The following CDC42BPA variants were observed in gnomAD, a reference collection of about 807,000 sequenced individuals.
CDC42BPA encodes CDC42 binding protein kinase alpha, also known as serine/threonine-protein kinase MRCK alpha.
A neutral mutation model predicts 223.5 loss-of-function variants in CDC42BPA; 80 were observed. That is an observed-to-expected ratio of 0.36 (90% confidence interval 0.30 to 0.43). CDC42BPA has a LOEUF of 0.43. Ranked by LOEUF, CDC42BPA falls within the 20% of genes least tolerant of loss-of-function variation. The pLI is 1.00. For missense variants in CDC42BPA, 1,743 were observed against 2,099.9 expected, an observed-to-expected ratio of 0.83 and a Z score of 3.32; for synonymous variants, 694 against 718.6, an observed-to-expected ratio of 0.97 and a Z score of 0.55.
At position 227,147,345 on chromosome 1, in the gene CDC42BPA, T is replaced by A. The variant is rs1291756889; in HGVS notation, c.894+14A>T. ...TTTACCACATTAATTTGAACAAAAG[T>A]AAAACATACTAACTTTGTGGTTCAT... On this transcript the variant is annotated intron_variant, in intron 7 of 36. Transcript: ENST00000366766. The A allele has an allele frequency of 6.3e-7, 1 of 1,588,966 alleles. No individual in the cohort carries two copies. Among genetic ancestry groups the A allele is most frequent in the South Asian group, 1.1e-5 (1 of 87,740 alleles).
At chr1:227,113,176 T>C (rs748218762) in intron 12 of CDC42BPA, among the ~76,000 whole-genome samples, 3 of 152,228 alleles carry the variant, frequency 2.0e-5, no homozygotes, top group Non-Finnish European at 4.4e-5. Flanking sequence ...GGAAAAAGTT[T>C]AGGAATAAAC....
Position 227,160,567 on chromosome 1 carries a change from A to T in CDC42BPA, c.669T>A (p.Cys223Ter). 1 of 1,605,768 alleles carries T rather than the reference A, an allele frequency of 6.2e-7. No individual in the cohort carries two copies. Among genetic ancestry groups the T allele is most frequent in the Non-Finnish European group, 8.5e-7 (1 of 1,172,526 alleles). The change falls in exon 6 of 37, where the codon TGT (cysteine) becomes TGA (stop). Residue 223 changes from cysteine (C) to a stop codon, truncating the protein, a stop_gained. Transcript: ENST00000366766. LOFTEE classifies it high-confidence loss of function. ...GHIRLADFGS[C>*]LKLMEDGTVQ... ...CCGTTCCATCTTCCATCAGCTTCAG[A>T]CAAGAACCAAAATCTGCTAACCGAA...
intron 21 of CDC42BPA, chr1:227,059,514 A>T (rs1284430363): frequency 1.9e-6 from 2 of 1,034,694 alleles, no homozygotes; most frequent in Admixed American, 4.3e-5. Flanking sequence ...AAACATACAT[A>T]TAAAGCCACA....
intron 2 of CDC42BPA, among the ~76,000 whole-genome samples, chr1:227,231,952 T>G (rs1303497649): frequency 6.6e-6 from 1 of 152,228 alleles, no homozygotes; most frequent in African/African-American, 2.4e-5. Flanking sequence ...ACTCTGATGA[T>G]AGTTTCTTTT....
chr1:227,233,752 G>A (rs1421960893), intron 2 of CDC42BPA, among the ~76,000 whole-genome samples: 3 of 152,086 alleles, frequency 2.0e-5, no homozygotes, highest in African/African-American at 7.2e-5. Flanking sequence ...GGTCAACATG[G>A]TGAAACCCCA....
chr1:227,253,240 A>AGAGAGCGAGAG (rs1553418775), intron 2 of CDC42BPA, among the ~76,000 whole-genome samples: 3 of 143,080 alleles, frequency 2.1e-5, no homozygotes, highest in East Asian at 4.0e-4. Context: ...GAGAGAGAGA[A>AGAGAGCGAGAG]AGAGAGCGAG....
intron 27 of CDC42BPA, 75 bp downstream of exon 27, chr1:227,033,259 G>T: frequency 1.1e-6 from 1 of 880,422 alleles, no homozygotes; most frequent in Non-Finnish European, 1.8e-6. Context: ...GTGAATTTAT[G>T]ATTTATATAG....
At chr1:227,168,420 GCT>G (rs991813470) in intron 5 of CDC42BPA, among the ~76,000 whole-genome samples, 4 of 148,402 alleles carry the variant, frequency 2.7e-5, no homozygotes, top group African/African-American at 7.5e-5. Context: ...TCCAAAATTT[GCT>G]CTCTGTCTTT....
intron 1 of CDC42BPA, among the ~76,000 whole-genome samples, chr1:227,314,786 T>C (rs562474881): frequency 7.7e-6 from 1 of 130,004 alleles, no homozygotes. Flanking sequence ...ATTTTTTCAA[T>C]TATTAAAAAT....
At chr1:227,176,611 A>G (rs941845959) in intron 5 of CDC42BPA, among the ~76,000 whole-genome samples, 1 of 149,834 alleles carries the variant, frequency 6.7e-6, no homozygotes, top group African/African-American at 2.4e-5. Flanking sequence ...TTAGTTCTAC[A>G]ACTGACTATT....
intron 3 of CDC42BPA, among the ~76,000 whole-genome samples, chr1:227,205,379 A>G (rs1015522358): frequency 1.7e-4 from 26 of 151,584 alleles, no homozygotes; most frequent in African/African-American, 6.3e-4. Context: ...AAATGTATTA[A>G]ATACATAGAA....
rs1484836798 is a variant in CDC42BPA at position 227,048,021 on chromosome 1, G to C, written c.3010-11C>G. Reference sequence around the variant, plus strand: ...AGTGGAGTCTACAGTCTGAACCCAGGAGCAAAAAAGGAAATAAATGTCATG... The same window carrying C: ...AGTGGAGTCTACAGTCTGAACCCAGCAGCAAAAAAGGAAATAAATGTCATG... On this transcript the variant is annotated splice_polypyrimidine_tract_variant and intron_variant, in intron 22 of 36. Transcript: ENST00000366766. 1 of 1,534,130 alleles carries C rather than the reference G, an allele frequency of 6.5e-7. No homozygotes were observed. Among genetic ancestry groups the C allele is most frequent in the African/African-American group, 1.4e-5 (1 of 72,590 alleles).
intron 2 of CDC42BPA, among the ~76,000 whole-genome samples, chr1:227,232,680 C>T (rs780157174): frequency 1.3e-5 from 2 of 152,208 alleles, no homozygotes; most frequent in Non-Finnish European, 1.5e-5. Context: ...TGGAGGTCCA[C>T]TCCAGACCAT....
intron 2 of CDC42BPA, among the ~76,000 whole-genome samples, chr1:227,245,164 T>C (rs1448325918): frequency 6.6e-6 from 1 of 151,890 alleles, no homozygotes; most frequent in Non-Finnish European, 1.5e-5. Flanking sequence ...GCTCATGACC[T>C]AGGGAGGCAT....
At chr1:227,131,027 T>A (rs1010883347) in intron 10 of CDC42BPA, among the ~76,000 whole-genome samples, 1 of 152,226 alleles carries the variant, frequency 6.6e-6, no homozygotes, top group African/African-American at 2.4e-5. Flanking sequence ...CATTTCCTGC[T>A]TATGTGGTTA....
intron 21 of CDC42BPA, among the ~76,000 whole-genome samples, chr1:227,058,031 G>A (rs1674959904): frequency 6.6e-6 from 1 of 152,088 alleles, no homozygotes; most frequent in Non-Finnish European, 1.5e-5. Context: ...ACAACATATT[G>A]GTTTTCCCTT....
chr1:227,212,662 T>G (rs1289977205), intron 3 of CDC42BPA, among the ~76,000 whole-genome samples: 1 of 152,164 alleles, frequency 6.6e-6, no homozygotes, highest in Non-Finnish European at 1.5e-5. Context: ...GTTCTTCCAT[T>G]ACTAGATTTT....
intron 1 of CDC42BPA, among the ~76,000 whole-genome samples, chr1:227,291,290 T>C (rs941491388): frequency 2.0e-5 from 3 of 152,164 alleles, no homozygotes; most frequent in Non-Finnish European, 4.4e-5. Context: ...GGCTCATGCC[T>C]GTAATCCCAG....
intron 5 of CDC42BPA, among the ~76,000 whole-genome samples, chr1:227,184,734 C>T (rs1437646264): frequency 2.0e-5 from 3 of 151,692 alleles, no homozygotes; most frequent in Non-Finnish European, 2.9e-5. Context: ...TGCAATAAAC[C>T]TATAGATTTG....
Sources: gnomAD v4.1 joint callset for allele counts (sites outside exome capture counted in the v4.1 genomes callset) on GRCh38, gnomAD v4.1.1 for gene constraint, MANE v1.5 for transcripts, NCBI Gene and HGNC (gene_info 2026-07-23, HGNC 2026-07-21) for gene names.